SPHKAP: variants seen among roughly 807,000 people sequenced by gnomAD.
SPHKAP encodes A-kinase anchor protein SPHKAP.
Under a neutral mutation model 137.5 loss-of-function variants are expected in SPHKAP, and 67 were observed. The ratio of observed to expected loss-of-function variants is 0.49; its 90% CI spans 0.40 to 0.60. The LOEUF (loss-of-function observed/expected upper bound fraction) is 0.60, where lower values mean the gene tolerates loss of function less well. Among genes scored for constraint, SPHKAP ranks in the 20% least tolerant of loss-of-function variants. SPHKAP has a pLI of 0.00. For missense variants in SPHKAP, 2,097 were observed against 2,069.3 expected, an observed-to-expected ratio of 1.01 and a Z score of -0.26; for synonymous variants, 813 against 785.3, an observed-to-expected ratio of 1.04 and a Z score of -0.59.
At chr2:228,096,846 G>T (rs1412436789) in intron 3 of SPHKAP, among the ~76,000 whole-genome samples, 1 of 152,082 alleles carries the variant, frequency 6.6e-6, no homozygotes, top group African/African-American at 2.4e-5. Context: ...GAGTGAGCTT[G>T]TCTTATTTTT....
intron 1 of SPHKAP, among the ~76,000 whole-genome samples, chr2:228,149,901 C>T (rs1699881284): frequency 6.6e-6 from 1 of 152,068 alleles, no homozygotes; most frequent in Non-Finnish European, 1.5e-5. Context: ...TGGTTTCTTC[C>T]TTTCTAAATG....
chr2:228,071,735 G>T (rs1484749709), intron 3 of SPHKAP, among the ~76,000 whole-genome samples: 2 of 151,904 alleles, frequency 1.3e-5, no homozygotes, highest in Non-Finnish European at 2.9e-5. Flanking sequence ...CCTTGGAGTG[G>T]TGGGCAACTG....
chr2:228,073,863 CT>C, intron 3 of SPHKAP, among the ~76,000 whole-genome samples: 1 of 137,754 alleles, frequency 7.3e-6, no homozygotes, highest in East Asian at 2.4e-4. Context: ...CATTTAACAT[CT>C]TTTTTTAAAA....
rs188518816 is a variant in SPHKAP at position 228,113,183 on chromosome 2, G to A, written c.139-4244C>T. Among the ~76,000 whole-genome samples the A allele has an allele frequency of 6.6e-3, 887 of 133,480 alleles. 7 individuals are homozygous for A. Among genetic ancestry groups the A allele is most frequent in the African/African-American group, 0.022 (850 of 37,844 alleles). 87.6% of individuals were successfully genotyped at this position (133,480 alleles called of 152,430 possible). On this transcript the variant is annotated intron_variant, in intron 2 of 11. Transcript: ENST00000392056. ...CTGATTATATCAGTAATTAAAATAA[G>A]ATATATTTTTCCATAAATTTCATTA... is the stretch of plus-strand genomic sequence containing the variant.
intron 1 of SPHKAP, among the ~76,000 whole-genome samples, chr2:228,149,055 T>C (rs1254113014): frequency 1.3e-5 from 2 of 152,182 alleles, no homozygotes; most frequent in Non-Finnish European, 2.9e-5. Context: ...ATTTACATCA[T>C]GTGGATAAAA....
intron 11 of SPHKAP, among the ~76,000 whole-genome samples, chr2:227,984,024 G>A (rs2106149943): frequency 6.6e-6 from 1 of 152,262 alleles, no homozygotes; most frequent in East Asian, 1.9e-4. Context: ...AGAGAGGCTG[G>A]GTTCGGTGGC....
At chr2:228,038,251 C>A (rs2106253512) in intron 3 of SPHKAP, among the ~76,000 whole-genome samples, 1 of 152,296 alleles carries the variant, frequency 6.6e-6, no homozygotes, top group South Asian at 2.1e-4. Flanking sequence ...CTGGATCAAT[C>A]ATGAATGGTA....
intron 1 of SPHKAP, among the ~76,000 whole-genome samples, chr2:228,161,794 C>A (rs1371930642): frequency 1.3e-5 from 2 of 152,088 alleles, no homozygotes; most frequent in African/African-American, 4.8e-5. Flanking sequence ...TTACAAATTG[C>A]CCTTGATTGA....
At chr2:228,049,832 GT>G (rs1015496405) in intron 3 of SPHKAP, among the ~76,000 whole-genome samples, 2 of 152,058 alleles carry the variant, frequency 1.3e-5, no homozygotes, top group Admixed American at 1.3e-4. Context: ...TAATTTCATT[GT>G]TTTTTTATGG....
intron 1 of SPHKAP, among the ~76,000 whole-genome samples, chr2:228,153,159 C>A (rs1415271978): frequency 6.6e-6 from 1 of 152,092 alleles, no homozygotes; most frequent in Non-Finnish European, 1.5e-5. Flanking sequence ...TATAAATTAC[C>A]CAGTCTCAGG....
At chr2:228,131,104 T>C (rs1699235608) in intron 2 of SPHKAP, among the ~76,000 whole-genome samples, 1 of 152,104 alleles carries the variant, frequency 6.6e-6, no homozygotes, top group African/African-American at 2.4e-5. Flanking sequence ...TACATATATA[T>C]ATCTCTACAC....
At chr2:228,177,274 G>A (rs909043573) in intron 1 of SPHKAP, among the ~76,000 whole-genome samples, 1 of 151,890 alleles carries the variant, frequency 6.6e-6, no homozygotes, top group African/African-American at 2.4e-5. Context: ...CAACAACGTG[G>A]ACTCTCAGAG....
chr2:227,988,495 T>G (rs1047042463), intron 11 of SPHKAP, among the ~76,000 whole-genome samples: 25 of 152,240 alleles, frequency 1.6e-4, no homozygotes, highest in Non-Finnish European at 5.9e-5. Context: ...ATGATTTGTG[T>G]AACTCAGGTG....
chr2:228,130,066 G>T (rs7577463), intron 2 of SPHKAP, among the ~76,000 whole-genome samples: 51,878 of 151,826 alleles, frequency 0.34, 9,101 homozygotes, highest in East Asian at 0.5. Context: ...AAAGTGCTGG[G>T]ATTACAGGCA....
At chr2:228,171,813 G>A (rs1269920672) in intron 1 of SPHKAP, among the ~76,000 whole-genome samples, 7 of 152,104 alleles carry the variant, frequency 4.6e-5, no homozygotes, top group Non-Finnish European at 1.0e-4. Flanking sequence ...AGGAGAGAGT[G>A]TCTGCTCAAT....
At chr2:228,009,630 G>A (rs939714709) in intron 7 of SPHKAP, among the ~76,000 whole-genome samples, 1 of 152,114 alleles carries the variant, frequency 6.6e-6, no homozygotes, top group Non-Finnish European at 1.5e-5. Flanking sequence ...TACATTGCAA[G>A]TTTATGTTGT....
At chr2:228,177,129 C>A (rs964527988) in intron 1 of SPHKAP, among the ~76,000 whole-genome samples, 2 of 151,626 alleles carry the variant, frequency 1.3e-5, no homozygotes, top group South Asian at 2.1e-4. Context: ...TTTACAAGAT[C>A]ATGGAGCAAG....
At chr2:228,177,396 T>C (rs1700775367) in intron 1 of SPHKAP, among the ~76,000 whole-genome samples, 2 of 152,088 alleles carry the variant, frequency 1.3e-5, no homozygotes, top group Non-Finnish European at 2.9e-5. Context: ...TGCCCACAGC[T>C]CAGTGCTGGC....
chr2:228,102,862 C>A (rs1352867309), intron 3 of SPHKAP, among the ~76,000 whole-genome samples: 1 of 152,162 alleles, frequency 6.6e-6, no homozygotes, highest in African/African-American at 2.4e-5. Flanking sequence ...TCACCCCAAC[C>A]TCCCAAATAG....
Sources: gnomAD v4.1 joint callset for allele counts (sites outside exome capture counted in the v4.1 genomes callset) on GRCh38, gnomAD v4.1.1 for gene constraint, MANE v1.5 for transcripts, NCBI Gene and HGNC (gene_info 2026-07-23, HGNC 2026-07-21) for gene names.